ITGBL1: variants seen among roughly 807,000 people sequenced by gnomAD.
ITGBL1 encodes integrin subunit beta like 1.
Under a neutral mutation model 68.5 loss-of-function variants are expected in ITGBL1, and 51 were observed. The observed-to-expected ratio is 0.74, with a 90% CI of 0.59 to 0.94. The LOEUF is 0.94. Among genes scored for constraint, ITGBL1 ranks in the 40% least tolerant of loss-of-function variants. The probability of loss-of-function intolerance (pLI) is 0.00; values close to 1 mark genes in which losing one functional copy is unlikely to be tolerated. For synonymous variants in ITGBL1, 209 were observed against 227.3 expected, an observed-to-expected ratio of 0.92 and a Z score of 0.72; for missense variants, 649 against 647.4, an observed-to-expected ratio of 1.00 and a Z score of -0.03.
chr13:101,709,367 G>A (rs1595000932), intron 9 of ITGBL1, among the ~76,000 whole-genome samples: 3 of 42,140 alleles, frequency 7.1e-5, no homozygotes, highest in East Asian at 9.5e-4. Flanking sequence ...GCGAGACTCC[G>A]TCTCAAAAAA....
chr13:101,516,688 G>T (rs776745531), intron 2 of ITGBL1, among the ~76,000 whole-genome samples: 10 of 152,070 alleles, frequency 6.6e-5, no homozygotes, highest in Non-Finnish European at 1.3e-4. Flanking sequence ...AATTTTCAGG[G>T]TTAGATAGAT....
At chr13:101,622,915 ATGTG>A (rs59267168) in intron 7 of ITGBL1, among the ~76,000 whole-genome samples, 83 of 148,510 alleles carry the variant, frequency 5.6e-4, no homozygotes, top group Non-Finnish European at 8.1e-4. Flanking sequence ...TGGGGTATGT[ATGTG>A]TGTGTGTGTG....
chr13:101,622,951 G>A (rs1478061313), intron 7 of ITGBL1, among the ~76,000 whole-genome samples: 1 of 149,054 alleles, frequency 6.7e-6, no homozygotes, highest in African/African-American at 2.5e-5. Context: ...GTGTTTTCCT[G>A]TAGTTGTGAC....
chr13:101,613,472 C>T (rs1194891463), intron 7 of ITGBL1, among the ~76,000 whole-genome samples: 1 of 152,062 alleles, frequency 6.6e-6, no homozygotes. Flanking sequence ...GAAGGGAAAT[C>T]AAGAGAATAT....
At chr13:101,714,681 C>T (rs981645992) in intron 10 of ITGBL1, 130 bp downstream of exon 10, 14 of 639,174 alleles carry the variant, frequency 2.2e-5, no homozygotes, top group Middle Eastern at 2.6e-4. Context: ...CTACCAAAGG[C>T]GAAGTGGGCA....
intron 8 of ITGBL1, among the ~76,000 whole-genome samples, chr13:101,695,869 T>A (rs907335359): frequency 6.6e-5 from 10 of 152,294 alleles, no homozygotes; most frequent in African/African-American, 2.4e-4. Flanking sequence ...TTCAACTACA[T>A]TGGAAGAGAT....
At chr13:101,533,856 C>A (rs1419240760) in intron 2 of ITGBL1, among the ~76,000 whole-genome samples, 1 of 152,158 alleles carries the variant, frequency 6.6e-6, no homozygotes, top group East Asian at 1.9e-4. Context: ...TTGGCTGCTA[C>A]TTTGGACACC....
chr13:101,604,855 T>C (rs1303972799), intron 7 of ITGBL1, among the ~76,000 whole-genome samples: 5 of 12,772 alleles, frequency 3.9e-4, no homozygotes, highest in Admixed American at 1.3e-3. Context: ...AATATATATA[T>C]ATATATATAT....
intron 7 of ITGBL1, among the ~76,000 whole-genome samples, chr13:101,677,076 A>G (rs1245334254): frequency 6.6e-6 from 1 of 152,180 alleles, no homozygotes; most frequent in Non-Finnish European, 1.5e-5. Context: ...ATGGGCTGAG[A>G]TCACACCACT....
chr13:101,522,021 G>C (rs2049294136), intron 2 of ITGBL1, among the ~76,000 whole-genome samples: 1 of 152,072 alleles, frequency 6.6e-6, no homozygotes. Flanking sequence ...GAGAAAGAGA[G>C]AGGGAGGAAG....
intron 7 of ITGBL1, among the ~76,000 whole-genome samples, chr13:101,621,078 G>A (rs1310398255): frequency 2.0e-5 from 3 of 152,136 alleles, no homozygotes; most frequent in Non-Finnish European, 4.4e-5. Context: ...AAGCCTTCCT[G>A]GGTTTATCAT....
At chr13:101,570,349 A>T (rs1430551835) in intron 3 of ITGBL1, among the ~76,000 whole-genome samples, 1 of 152,066 alleles carries the variant, frequency 6.6e-6, no homozygotes, top group Non-Finnish European at 1.5e-5. Context: ...ACTTGTTGGC[A>T]TAATAACATA....
chr13:101,456,089 A>G (rs935806930), intron 2 of ITGBL1, among the ~76,000 whole-genome samples: 5 of 152,206 alleles, frequency 3.3e-5, no homozygotes, highest in African/African-American at 1.2e-4. Context: ...TACTCATAGC[A>G]TCTTAGTCAC....
chr13:101,491,228 C>T (rs934633023), intron 2 of ITGBL1, among the ~76,000 whole-genome samples: 1 of 152,288 alleles, frequency 6.6e-6, no homozygotes, highest in East Asian at 1.9e-4. Context: ...ACATTCTCCT[C>T]TGCAAGGTCA....
chr13:101,659,882 A>G (rs1166212398), intron 7 of ITGBL1, among the ~76,000 whole-genome samples: 1 of 152,172 alleles, frequency 6.6e-6, no homozygotes. Flanking sequence ...GATATGATGC[A>G]ACTCAGCCTC....
intron 7 of ITGBL1, among the ~76,000 whole-genome samples, chr13:101,649,846 C>CA (rs2032685372): frequency 6.6e-6 from 1 of 152,184 alleles, no homozygotes; most frequent in Non-Finnish European, 1.5e-5. Context: ...CTCTACCATA[C>CA]CCTCTTAGTT....
chr13:101,454,295 A>G (rs1235317371), intron 2 of ITGBL1, among the ~76,000 whole-genome samples, 195 bp downstream of exon 2: 1 of 152,182 alleles, frequency 6.6e-6, no homozygotes, highest in Admixed American at 6.5e-5. Context: ...CCAGGCTCTG[A>G]ACTTGAATGG....
intron 7 of ITGBL1, among the ~76,000 whole-genome samples, chr13:101,627,160 AGT>A (rs2031812922): frequency 6.6e-6 from 1 of 152,152 alleles, no homozygotes. Flanking sequence ...TGCTTCTCAA[AGT>A]GTAGTCTGAG....
intron 2 of ITGBL1, among the ~76,000 whole-genome samples, chr13:101,559,777 C>T (rs549780593): frequency 1.3e-5 from 2 of 152,328 alleles, no homozygotes; most frequent in African/African-American, 4.8e-5. Context: ...AAACAAAGCC[C>T]ATCTCACTGG....
Sources: allele counts gnomAD v4.1 joint callset (sites outside exome capture counted in the v4.1 genomes callset), GRCh38; gene constraint gnomAD v4.1.1; transcripts MANE v1.5; gene names NCBI Gene and HGNC (gene_info 2026-07-23, HGNC 2026-07-21).